The following GUCY2C variants were observed in gnomAD, a reference collection of about 807,000 sequenced individuals.
GUCY2C encodes guanylate cyclase 2C.
Under a neutral mutation model 131.1 loss-of-function variants are expected in GUCY2C, and 118 were observed. The ratio of observed to expected loss-of-function variants is 0.90; its 90% confidence interval spans 0.78 to 1.05. The LOEUF is 1.05. GUCY2C is among the 50% of genes least tolerant of loss of function. The probability of loss-of-function intolerance (pLI) is 0.00; values close to 1 mark genes in which losing one functional copy is unlikely to be tolerated. For synonymous variants in GUCY2C, 452 were observed against 457.8 expected (o/e 0.99, Z 0.16); for missense variants, 1,161 against 1,304.4 (o/e 0.89, Z 1.69).
intron 18 of GUCY2C, 59 bp from the exon 19 acceptor site, chr12:14,640,009 G>T: frequency 8.9e-7 from 1 of 1,127,006 alleles, no homozygotes; most frequent in South Asian, 1.2e-5. Context: ...GAAATGGAAG[G>T]AATTTCAACA....
intron 25 of GUCY2C, among the ~76,000 whole-genome samples, chr12:14,616,310 C>A (rs377532392): frequency 3.9e-4 from 60 of 152,168 alleles, no homozygotes; most frequent in African/African-American, 1.4e-3. Flanking sequence ...AGTGGGGGGA[C>A]AAGGGTTTTG....
At chr12:14,656,660 C>A (rs1290248693) in intron 11 of GUCY2C, 43 bp from the exon 12 acceptor site, 1 of 949,246 alleles carries the variant, frequency 1.1e-6, no homozygotes, top group Admixed American at 1.7e-5. Flanking sequence ...TTATTAATAT[C>A]CATGTCATTC....
At position 14,653,029 on chromosome 12, in the gene GUCY2C, G is replaced by A. The variant is rs1415961553; in HGVS notation, c.1471-15C>T. On this transcript the variant is annotated splice_polypyrimidine_tract_variant and intron_variant, in intron 12 of 26. Coordinates refer to ENST00000261170, the MANE Select transcript of GUCY2C (RefSeq NM_004963.4). ...TCATCATCGATCTGGCACAAGAAAAGGCTAATTATTCCAGAAGCTCCATAT... is the reference window on the plus strand; with the variant it reads ...TCATCATCGATCTGGCACAAGAAAAAGCTAATTATTCCAGAAGCTCCATAT... 2.5e-6 allele frequency: 4 copies of A among 1,592,958 alleles called. No homozygotes were observed. Among genetic ancestry groups the A allele is most frequent in the African/African-American group, 2.7e-5 (2 of 74,472 alleles).
Position 14,683,124 on chromosome 12 carries a change from T to C in GUCY2C, c.529A>G (p.Thr177Ala). The change falls in exon 4 of 27, where the codon ACC (threonine) becomes GCC (alanine). Residue 177 changes from threonine to alanine, a missense_variant. Physicochemically the swap from Thr to Ala is moderately conservative, Grantham distance 58. Transcript: ENST00000261170. ...LMYFLVNFWK[T>A]NDLPFKTYSW... ...TAAGTTTTGAAGGGCAGATCGTTGG[T>C]TTTCCAAAAGTTAACCAAGAAGTAC... The C allele has an allele frequency of 6.2e-7, 1 of 1,613,666 alleles. No homozygotes were observed. Among genetic ancestry groups the C allele is most frequent in the Non-Finnish European group, 8.5e-7 (1 of 1,179,676 alleles).
chr12:14,680,781 C>T (rs796091311), intron 5 of GUCY2C, among the ~76,000 whole-genome samples: 3 of 152,222 alleles, frequency 2.0e-5, no homozygotes, highest in Non-Finnish European at 2.9e-5. Flanking sequence ...AGGCAGTGTA[C>T]GCTGTACCCA....
chr12:14,681,233 T>C (rs2137090216), intron 5 of GUCY2C, 123 bp downstream of exon 5: 1 of 818,652 alleles, frequency 1.2e-6, no homozygotes, highest in Admixed American at 2.4e-5. Flanking sequence ...TCCCAAAATA[T>C]ACAAAATATG....
At chr12:14,656,390 C>T (rs969103235) in intron 12 of GUCY2C, 122 bp downstream of exon 12, 47 of 629,332 alleles carry the variant, frequency 7.5e-5, no homozygotes, top group Non-Finnish European at 2.6e-5. Context: ...AATTAGAAAG[C>T]ATCTAAGTCT....
At position 14,614,960 on chromosome 12, in the gene GUCY2C, G is replaced by A. The variant is rs1316954137; in HGVS notation, c.2971-17C>T. ...TCCTCTTCCCTGGTAAGACAAAAGAGTTACGTACCACGGAGTCCAAGGAGT... is the reference window on the plus strand; with the variant it reads ...TCCTCTTCCCTGGTAAGACAAAAGAATTACGTACCACGGAGTCCAAGGAGT... On this transcript the variant is annotated splice_polypyrimidine_tract_variant and intron_variant, in intron 25 of 26. Coordinates refer to ENST00000261170, the MANE Select transcript of GUCY2C (RefSeq NM_004963.4). 4.1e-6 allele frequency: 6 copies of A among 1,459,266 alleles called. No homozygotes were observed. Among genetic ancestry groups the A allele is most frequent in the Non-Finnish European group, 4.7e-6 (5 of 1,066,594 alleles). 90.4% of individuals were successfully genotyped at this position (1,459,266 alleles called of 1,614,324 possible). A position where few individuals can be genotyped will look rare whatever the true frequency, so the allele number is the denominator to read the frequency against.
chr12:14,656,777 G>C (rs960950141), intron 11 of GUCY2C, among the ~76,000 whole-genome samples, 160 bp from the exon 12 acceptor site: 1 of 152,166 alleles, frequency 6.6e-6, no homozygotes, highest in Non-Finnish European at 1.5e-5. Context: ...ACTGAAAAGC[G>C]CTTACTGCCA....
At chr12:14,631,876 A>T (rs1238283565) in intron 19 of GUCY2C, among the ~76,000 whole-genome samples, 4 of 151,260 alleles carry the variant, frequency 2.6e-5, no homozygotes, top group Non-Finnish European at 5.9e-5. Context: ...ATTTCTTCAC[A>T]TCCTCTCCAG....
At chr12:14,669,905 G>T (rs1269177850) in intron 9 of GUCY2C, 72 bp from the exon 10 acceptor site, 1 of 620,336 alleles carries the variant, frequency 1.6e-6, no homozygotes, top group South Asian at 2.3e-5. Context: ...TGAGATTAAT[G>T]ATTCTACACA....
chr12:14,672,746 TTGAAA>T, intron 9 of GUCY2C, 122 bp downstream of exon 9: 2 of 642,700 alleles, frequency 3.1e-6, no homozygotes, highest in Non-Finnish European at 5.7e-6. Context: ...AATTGTGAAG[TTGAAA>T]TGAACTGTCT....
intron 10 of GUCY2C, among the ~76,000 whole-genome samples, chr12:14,668,694 A>C (rs1948036406): frequency 6.6e-6 from 1 of 151,774 alleles, no homozygotes; most frequent in African/African-American, 2.4e-5. Flanking sequence ...CTTTTTCTTA[A>C]AGATTTTTCC....
intron 6 of GUCY2C, among the ~76,000 whole-genome samples, chr12:14,677,494 A>G (rs1297187434): frequency 6.6e-6 from 1 of 152,162 alleles, no homozygotes; most frequent in Non-Finnish European, 1.5e-5. Flanking sequence ...TGCCTGGCAC[A>G]TTGTAGACTC....
chr12:14,641,180 A>T lies in GUCY2C; in HGVS notation c.1970T>A (p.Ile657Asn), dbSNP rs1327358608. The T allele has an allele frequency of 5.6e-6, 9 of 1,613,570 alleles. No individual in the cohort carries two copies. Among genetic ancestry groups the T allele is most frequent in the Non-Finnish European group, 7.6e-6 (9 of 1,179,938 alleles). Residue 657 changes from isoleucine (I) to asparagine (N), a missense_variant, in exon 18 of 27, where the codon ATC becomes AAC. Ile to Asn is a moderately radical substitution (Grantham distance 149). Transcript: ENST00000261170. The part of the protein sequence containing the change: ...TAPEHLRQAN[I>N]SQKGDVYSYG... ...GCTGTACACATCTCCTTTCTGAGAG[A>T]TGTTGGCTTGGCGGAGGTGCTCTGG... is the stretch of plus-strand genomic sequence containing the variant.
chr12:14,652,837 G>T, intron 13 of GUCY2C, 115 bp downstream of exon 13: 1 of 781,368 alleles, frequency 1.3e-6, no homozygotes, highest in South Asian at 1.4e-5. Context: ...TAGCCCCTAG[G>T]AACAGACTGG....
At position 14,620,487 on chromosome 12, in the gene GUCY2C, A is replaced by C. The variant is rs112180759; in HGVS notation, c.2776+555T>G. Among the ~76,000 whole-genome samples, 521 of 152,330 alleles carry C rather than the reference A, an allele frequency of 3.4e-3. 4 individuals are homozygous for C. The highest frequency in any genetic ancestry group is 0.012 in the African/African-American group (494 of 41,570). On this transcript the variant is annotated intron_variant, in intron 23 of 26. Transcript: ENST00000261170. ...TTGAAAATTATTCTTTGCTCAATCAAACTGTGTTAAATTTAATATGCATAA... is the reference window on the plus strand; with the variant it reads ...TTGAAAATTATTCTTTGCTCAATCACACTGTGTTAAATTTAATATGCATAA...
intron 3 of GUCY2C, among the ~76,000 whole-genome samples, chr12:14,683,965 A>G (rs2137096184): frequency 6.6e-6 from 1 of 152,312 alleles, no homozygotes; most frequent in Middle Eastern, 3.4e-3. Flanking sequence ...GATTGATTCT[A>G]CCTTCAAATA....
At chr12:14,662,050 C>T (rs1005722696) in intron 10 of GUCY2C, among the ~76,000 whole-genome samples, 2 of 151,936 alleles carry the variant, frequency 1.3e-5, no homozygotes, top group Admixed American at 6.6e-5. Flanking sequence ...GAAGACTGCA[C>T]GGGAAAGTCG....
Sources: allele counts gnomAD v4.1 joint callset (sites outside exome capture counted in the v4.1 genomes callset), GRCh38; gene constraint gnomAD v4.1.1; transcripts MANE v1.5; gene names NCBI Gene and HGNC (gene_info 2026-07-23, HGNC 2026-07-21).